The following CAMK4 variants were observed in gnomAD, a reference collection of about 807,000 sequenced individuals.
CAMK4 encodes calcium/calmodulin dependent protein kinase IV, also known as calcium/calmodulin-dependent protein kinase type IV.
Under a neutral mutation model 44.9 loss-of-function variants are expected in CAMK4, and 22 were observed. That is an observed-to-expected ratio of 0.49 (90% confidence interval 0.35 to 0.70). The LOEUF (loss-of-function observed/expected upper bound fraction) is 0.70, where lower values mean the gene tolerates loss of function less well. CAMK4 is among the 30% of genes least tolerant of loss of function. The pLI is 0.01. For synonymous variants in CAMK4, 218 were observed against 215.4 expected (o/e 1.01, Z -0.11); for missense variants, 498 against 586.8 (o/e 0.85, Z 1.56).
chr5:111,362,877 G>T (rs1389766463), intron 2 of CAMK4, among the ~76,000 whole-genome samples: 1 of 151,978 alleles, frequency 6.6e-6, no homozygotes, highest in African/African-American at 2.4e-5. Context: ...TATCATAGTT[G>T]CTTCTTTGAG....
chr5:111,313,393 A>C (rs1165386551), intron 1 of CAMK4, among the ~76,000 whole-genome samples: 3 of 152,124 alleles, frequency 2.0e-5, no homozygotes, highest in Admixed American at 2.0e-4. Flanking sequence ...ACTCTTTGTT[A>C]CCTTTTAATA....
At chr5:111,280,760 C>A (rs140716759) in intron 1 of CAMK4, among the ~76,000 whole-genome samples, 6 of 152,256 alleles carry the variant, frequency 3.9e-5, no homozygotes, top group African/African-American at 1.4e-4. Flanking sequence ...GAGACCAGGA[C>A]CAGAAAGGAA....
intron 1 of CAMK4, among the ~76,000 whole-genome samples, chr5:111,309,943 C>G (rs372951206): frequency 6.6e-6 from 1 of 152,120 alleles, no homozygotes; most frequent in Non-Finnish European, 1.5e-5. Context: ...TGCTATCTCA[C>G]ACATGCTTCA....
intron 1 of CAMK4, among the ~76,000 whole-genome samples, chr5:111,329,412 C>G (rs748178484): frequency 3.3e-5 from 5 of 151,536 alleles, no homozygotes; most frequent in Non-Finnish European, 7.4e-5. Context: ...AAAGAGTATT[C>G]AATTAGGAAA....
intron 4 of CAMK4, among the ~76,000 whole-genome samples, chr5:111,378,302 A>G (rs1751290012): frequency 1.3e-5 from 2 of 152,098 alleles, no homozygotes; most frequent in African/African-American, 4.8e-5. Flanking sequence ...GTGAGAAATA[A>G]ATGTTTGATA....
chr5:111,442,346 A>T (rs996355023), intron 5 of CAMK4, among the ~76,000 whole-genome samples: 9 of 152,026 alleles, frequency 5.9e-5, no homozygotes, highest in Admixed American at 5.2e-4. Context: ...ATACAAAGAA[A>T]ATTAGCTGGG....
chr5:111,476,571 A>G (rs1755253243), intron 8 of CAMK4, among the ~76,000 whole-genome samples: 1 of 151,386 alleles, frequency 6.6e-6, no homozygotes, highest in African/African-American at 2.4e-5. Flanking sequence ...CCCACCGCGC[A>G]TGGCCCACTC....
At chr5:111,241,618 G>A (rs898527984) in intron 1 of CAMK4, among the ~76,000 whole-genome samples, 19 of 152,182 alleles carry the variant, frequency 1.2e-4, no homozygotes, top group African/African-American at 4.6e-4. Context: ...ACTGCCCAGA[G>A]TGGAGAATAT....
chr5:111,310,403 T>C (rs1236116141), intron 1 of CAMK4, among the ~76,000 whole-genome samples: 1 of 152,192 alleles, frequency 6.6e-6, no homozygotes, highest in African/African-American at 2.4e-5. Context: ...TTGACAGAAG[T>C]TCCGGCACTA....
chr5:111,310,946 A>G (rs1028308215), intron 1 of CAMK4, among the ~76,000 whole-genome samples: 7 of 152,130 alleles, frequency 4.6e-5, no homozygotes, highest in Non-Finnish European at 1.0e-4. Flanking sequence ...CAGACACATA[A>G]CAGATCTCAC....
At chr5:111,478,346 A>T in intron 8 of CAMK4, 35 bp from the exon 9 acceptor site, 2 of 1,370,820 alleles carry the variant, frequency 1.5e-6, no homozygotes. Context: ...TTGAGCTTTT[A>T]AAGACATTTT....
At chr5:111,390,976 G>A (rs1217553471) in intron 4 of CAMK4, among the ~76,000 whole-genome samples, 2 of 152,154 alleles carry the variant, frequency 1.3e-5, no homozygotes, top group African/African-American at 4.8e-5. Context: ...AAGTTATTTG[G>A]AAGAAGGATA....
chr5:111,387,558 C>T (rs2112848061), intron 4 of CAMK4, among the ~76,000 whole-genome samples: 1 of 152,280 alleles, frequency 6.6e-6, no homozygotes, highest in South Asian at 2.1e-4. Context: ...GCTGTTCTTC[C>T]TCTGGAGTCA....
chr5:111,369,813 A>G (rs1356638894), intron 2 of CAMK4, among the ~76,000 whole-genome samples: 1 of 152,202 alleles, frequency 6.6e-6, no homozygotes, highest in Admixed American at 6.5e-5. Context: ...GTTATTTCTG[A>G]CACCTAATAT....
At chr5:111,282,553 A>G (rs1345109734) in intron 1 of CAMK4, among the ~76,000 whole-genome samples, 1 of 152,186 alleles carries the variant, frequency 6.6e-6, no homozygotes, top group Non-Finnish European at 1.5e-5. Flanking sequence ...GGATCAAATT[A>G]ATTTCTGTAA....
rs78963842 is a variant in CAMK4, at chr5:111,275,759, A to G, written c.161+51115A>G. 8.1e-3 allele frequency among the ~76,000 whole-genome samples: 1,230 copies of G among 152,200 alleles called. 16 individuals are homozygous for G. The highest frequency in any genetic ancestry group is 0.028 in the African/African-American group (1,164 of 41,546). On this transcript the variant is annotated intron_variant, in intron 1 of 10. Transcript: ENST00000282356. ...AGTTAATAGTTTATTGCATATTTCA[A>G]AATAACTAGAAGAGAAAAACTGTAT... is the stretch of plus-strand genomic sequence containing the variant.
chr5:111,228,512 GTGTGT>G lies in CAMK4; in HGVS notation c.161+3869_161+3873del, dbSNP rs1561347570. Among the ~76,000 whole-genome samples the G allele has an allele frequency of 8.7e-3, 1,088 of 124,660 alleles. 20 individuals are homozygous for G. Among genetic ancestry groups the G allele is most frequent in the African/African-American group, 0.033 (1,042 of 31,500 alleles). The allele number at this position is 124,660 out of a possible 152,430, so 81.8% of individuals were successfully genotyped here. A position where few individuals can be genotyped will look rare whatever the true frequency, so the allele number is the denominator to read the frequency against. On this transcript the variant is annotated intron_variant, in intron 1 of 10. Transcript: ENST00000282356. Reference sequence around the variant, plus strand: ...CAAATAGATTTCCATAGTAAGGGGTGTGTGTGTGTGTGTGTGTGTGTGTGTGTGTG... The same window carrying G: ...CAAATAGATTTCCATAGTAAGGGGTGGTGTGTGTGTGTGTGTGTGTGTGTG...
At chr5:111,347,246 A>G (rs758298166) in intron 2 of CAMK4, among the ~76,000 whole-genome samples, 19 of 152,036 alleles carry the variant, frequency 1.2e-4, no homozygotes, top group Non-Finnish European at 1.6e-4. Flanking sequence ...TAAGGACAGT[A>G]GTCAGCATTC....
intron 1 of CAMK4, among the ~76,000 whole-genome samples, chr5:111,318,520 G>A (rs1748528817): frequency 1.3e-5 from 2 of 152,154 alleles, no homozygotes; most frequent in Admixed American, 1.3e-4. Context: ...TTATTTTGGG[G>A]TGGAAGGTGG....
Sources: gnomAD v4.1 joint callset for allele counts (sites outside exome capture counted in the v4.1 genomes callset) on GRCh38, gnomAD v4.1.1 for gene constraint, MANE v1.5 for transcripts, NCBI Gene and HGNC (gene_info 2026-07-23, HGNC 2026-07-21) for gene names.